Variants in ZFAT observed in about 807,000 individuals in gnomAD.
ZFAT encodes the protein zinc finger and AT-hook domain containing.
A neutral mutation model predicts 117.7 loss-of-function variants in ZFAT; 64 were observed. The ratio of observed to expected loss-of-function variants is 0.54; its 90% CI spans 0.44 to 0.67. The LOEUF (loss-of-function observed/expected upper bound fraction) is 0.67. Ranked by LOEUF, ZFAT falls within the 30% of genes least tolerant of loss-of-function variation. ZFAT has a pLI of 0.00. For missense variants in ZFAT, 1,433 were observed against 1,584.5 expected (o/e 0.90, Z 1.62); for synonymous variants, 679 against 615.0 (o/e 1.10, Z -1.54).
At position 134,637,661 on chromosome 8, in the gene ZFAT, T is replaced by A. The variant is rs1228553087; in HGVS notation, c.248A>T (p.Lys83Met). The change falls in exon 3 of 16, where the codon AAG (lysine) becomes ATG (methionine). Residue 83 changes from lysine to methionine, a missense_variant. Lys to Met is a moderately conservative substitution (Grantham distance 95). Around this residue, in one of 5 missense-constraint regions of ZFAT, gnomAD observed 436 missense variants for 482.0 expected, o/e 0.90. Transcript: ENST00000377838. ...KRGRPKGSTK[K>M]SSTEEELAEN... Reference sequence around the variant, plus strand: ...TGCCAGCTCCTCTTCTGTGCTGGACTTCTTCGTGGACCCCTTAGGCCTGCC... The same window carrying A: ...TGCCAGCTCCTCTTCTGTGCTGGACATCTTCGTGGACCCCTTAGGCCTGCC... The A allele has an allele frequency of 6.2e-7, 1 of 1,614,200 alleles. No individual in the cohort carries two copies. Among genetic ancestry groups the A allele is most frequent in the East Asian group, 2.2e-5 (1 of 44,882 alleles).
In ZFAT at chr8:134,588,361, C is replaced by T. The variant is rs1826213460; in HGVS notation, c.2598G>A (p.Gly866=). ...VSMSTISEVL[G]RRVQLKGLIG... ...TTAGCCCTTTCAGCTGAACCCTCCTCCCGAGAACCTCAGAAATGGTGCTCA... is the reference window on the plus strand; with the variant it reads ...TTAGCCCTTTCAGCTGAACCCTCCTTCCGAGAACCTCAGAAATGGTGCTCA... The change falls in exon 9 of 16, where the codon GGG becomes GGA. Residue 866 remains glycine, a synonymous_variant. Coordinates refer to ENST00000377838, the MANE Select transcript of ZFAT (RefSeq NM_020863.4). 3 of 1,593,440 alleles carry T rather than the reference C, an allele frequency of 1.9e-6. No homozygotes were observed. The highest frequency in any genetic ancestry group is 1.3e-5 in the African/African-American group (1 of 74,428).
chr8:134,637,746 C>T (rs543961313), intron 2 of ZFAT, 34 bp from the exon 3 acceptor site: 22 of 1,599,626 alleles, frequency 1.4e-5, no homozygotes, highest in African/African-American at 5.3e-5. Flanking sequence ...AATGGAATCA[C>T]GTGAGACGGC....
chr8:134,597,298 GT>G (rs1722826292), intron 7 of ZFAT, among the ~76,000 whole-genome samples: 1 of 152,064 alleles, frequency 6.6e-6, no homozygotes, highest in South Asian at 2.1e-4. Context: ...CCTGGAGCCT[GT>G]TTTCATAAAT....
intron 11 of ZFAT, among the ~76,000 whole-genome samples, chr8:134,535,617 C>T (rs1226233269): frequency 3.3e-5 from 5 of 151,694 alleles, no homozygotes; most frequent in African/African-American, 9.7e-5. Context: ...TGCTTTGTGC[C>T]GCACCGCATG....
intron 7 of ZFAT, 56 bp from the exon 8 acceptor site, chr8:134,590,411 A>T: frequency 2.7e-6 from 4 of 1,454,852 alleles, no homozygotes; most frequent in Non-Finnish European, 3.8e-6. Context: ...TGTGGTCTGT[A>T]AAAAATAACC....
chr8:134,499,958 G>A (rs528537871), intron 15 of ZFAT, among the ~76,000 whole-genome samples: 2 of 152,312 alleles, frequency 1.3e-5, no homozygotes, highest in East Asian at 1.9e-4. Flanking sequence ...TCTTGTTTCC[G>A]GGAATCCCTC....
intron 15 of ZFAT, among the ~76,000 whole-genome samples, chr8:134,497,113 G>C (rs866645443): frequency 6.6e-5 from 10 of 152,348 alleles, no homozygotes; most frequent in Middle Eastern, 3.4e-3. Flanking sequence ...CCACCATGAA[G>C]CAAGAAGGAA....
chr8:134,658,489 C>A (rs895179908), intron 1 of ZFAT, among the ~76,000 whole-genome samples: 3 of 152,172 alleles, frequency 2.0e-5, no homozygotes, highest in Non-Finnish European at 2.9e-5. Flanking sequence ...CAGCCCAGCA[C>A]CTTTCAATGA....
At chr8:134,761,982 A>AGGTGTGTG in the ZFAT span, among the ~76,000 whole-genome samples, 1 of 147,126 alleles carries the variant, frequency 6.8e-6, no homozygotes, top group Non-Finnish European at 1.5e-5. Context: ...TTCTCTCTGT[A>AGGTGTGTG]TGTGTGTGTG....
At chr8:134,631,101 T>C (rs569881959) in intron 3 of ZFAT, among the ~76,000 whole-genome samples, 2 of 152,302 alleles carry the variant, frequency 1.3e-5, no homozygotes, top group South Asian at 2.1e-4. Flanking sequence ...ATCTTTCCAT[T>C]TGGTATTTGT....
In ZFAT at chr8:134,518,641, G is replaced by A. The variant is rs1228547888; in HGVS notation, c.3234+2242C>T. Among the ~76,000 whole-genome samples, 3 of 150,906 alleles carry A rather than the reference G, an allele frequency of 2.0e-5. No homozygotes were observed. The East Asian group carries it at 5.8e-4, about 29-fold the overall frequency. ...ATCTTTCTCATCACTATTTTTATAG[G>A]CCTTTTATAAAGATATTAATTTTTT... On this transcript the variant is annotated intron_variant, in intron 13 of 15. Transcript: ENST00000377838.
At chr8:134,521,213 T>C (rs979390102) in intron 12 of ZFAT, among the ~76,000 whole-genome samples, 1 of 152,252 alleles carries the variant, frequency 6.6e-6, no homozygotes, top group Non-Finnish European at 1.5e-5. Context: ...GTACTTTTTT[T>C]ATTTGTTGAA....
chr8:134,756,209 C>T, the ZFAT span, among the ~76,000 whole-genome samples: 1 of 152,322 alleles, frequency 6.6e-6, no homozygotes, highest in African/African-American at 2.4e-5. Context: ...CAACATCCCC[C>T]CTGCACATTT....
At chr8:134,653,270 T>TTA (rs1554615159) in intron 2 of ZFAT, among the ~76,000 whole-genome samples, 1,263 of 91,692 alleles carry the variant, frequency 0.014, 29 homozygotes, top group African/African-American at 0.033. Context: ...ATGTCTTTTT[T>TTA]AAAAAAAAAA....
chr8:134,748,435 A>G, the ZFAT span, among the ~76,000 whole-genome samples: 5 of 152,280 alleles, frequency 3.3e-5, no homozygotes, highest in Middle Eastern at 6.8e-3. Context: ...ACATTGTTGC[A>G]TTAAAACTGA....
chr8:134,615,914 A>G (rs1203168814), intron 3 of ZFAT, among the ~76,000 whole-genome samples: 4 of 152,250 alleles, frequency 2.6e-5, no homozygotes, highest in Non-Finnish European at 5.9e-5. Context: ...GCCCTGGAGC[A>G]CTGTGAAAAG....
intron 11 of ZFAT, among the ~76,000 whole-genome samples, chr8:134,545,895 A>G (rs949794610): frequency 5.3e-5 from 8 of 152,196 alleles, no homozygotes; most frequent in African/African-American, 1.9e-4. Flanking sequence ...CTATTTCACA[A>G]TAAGAAAAGT....
intron 1 of ZFAT, among the ~76,000 whole-genome samples, chr8:134,698,553 C>A (rs1054163023): frequency 6.6e-6 from 1 of 152,182 alleles, no homozygotes; most frequent in African/African-American, 2.4e-5. Flanking sequence ...TCCAAGAATT[C>A]CAAACACCAT....
intron 2 of ZFAT, among the ~76,000 whole-genome samples, chr8:134,645,021 G>A (rs1275990559): frequency 2.0e-5 from 3 of 152,082 alleles, no homozygotes; most frequent in Non-Finnish European, 4.4e-5. Context: ...TCACACACAC[G>A]AGAATGAGCT....
Sources: gnomAD v4.1 joint callset for allele counts (sites outside exome capture counted in the v4.1 genomes callset) on GRCh38, gnomAD v4.1.1 for gene constraint, gnomAD v4.1.1 regional missense constraint, MANE v1.5 for transcripts, NCBI Gene and HGNC (gene_info 2026-07-23, HGNC 2026-07-21) for gene names.